The following RBFOX1 variants were observed in gnomAD, a reference collection of about 807,000 sequenced individuals.
RBFOX1 encodes the protein RNA binding protein fox-1 homolog 1.
A neutral mutation model predicts 57.7 loss-of-function variants in RBFOX1; 8 were observed. The observed-to-expected ratio is 0.14, with a 90% CI of 0.08 to 0.25. RBFOX1 has a LOEUF of 0.25. Ranked by LOEUF, RBFOX1 falls within the 10% of genes least tolerant of loss-of-function variation. The pLI is 1.00. For synonymous variants in RBFOX1, 326 were observed against 222.4 expected, an observed-to-expected ratio of 1.47 and a Z score of -4.15; for missense variants, 611 against 548.5, an observed-to-expected ratio of 1.11 and a Z score of -1.14.
At chr16:6,540,537 G>A (rs907522640) in intron 2 of RBFOX1, among the ~76,000 whole-genome samples, 2 of 146,392 alleles carry the variant, frequency 1.4e-5, no homozygotes, top group Non-Finnish European at 3.0e-5. Context: ...GCTTGAACCT[G>A]GGAGGCCGAG....
intron 4 of RBFOX1, among the ~76,000 whole-genome samples, chr16:7,351,830 C>G (rs1359721738): frequency 1.3e-5 from 2 of 152,134 alleles, no homozygotes; most frequent in Admixed American, 6.5e-5. Context: ...CACATTCTGC[C>G]TCTCAATCTT....
intron 3 of RBFOX1, among the ~76,000 whole-genome samples, chr16:6,690,779 T>C (rs1405562287): frequency 6.8e-6 from 1 of 147,366 alleles, no homozygotes; most frequent in Non-Finnish European, 1.5e-5. Flanking sequence ...TTTTTAACTT[T>C]AGAAGTACCA....
chr16:7,054,367 G>C (rs927415857), intron 4 of RBFOX1, among the ~76,000 whole-genome samples: 1 of 149,478 alleles, frequency 6.7e-6, no homozygotes, highest in Non-Finnish European at 1.5e-5. Context: ...AGCCTCCAGA[G>C]TCGCTGGGAT....
chr16:6,493,593 G>A (rs765192205), intron 2 of RBFOX1, among the ~76,000 whole-genome samples: 1 of 152,154 alleles, frequency 6.6e-6, no homozygotes, highest in Non-Finnish European at 1.5e-5. Context: ...CACTGTGAAA[G>A]ATGTTTACTA....
chr16:5,452,423 A>T (rs956747788), intron 1 of RBFOX1, among the ~76,000 whole-genome samples: 1 of 151,524 alleles, frequency 6.6e-6, no homozygotes, highest in Non-Finnish European at 1.5e-5. Flanking sequence ...TCATCCCTCT[A>T]TTCTGCCTCT....
At chr16:7,350,888 G>C (rs1217458959) in intron 4 of RBFOX1, among the ~76,000 whole-genome samples, 1 of 152,170 alleles carries the variant, frequency 6.6e-6, no homozygotes, top group African/African-American at 2.4e-5. Context: ...TAGTATGTGT[G>C]TTTAATTGTT....
chr16:7,186,540 A>C (rs955902520), intron 4 of RBFOX1, among the ~76,000 whole-genome samples: 1 of 60,848 alleles, frequency 1.6e-5, no homozygotes, highest in Non-Finnish European at 4.3e-5. Flanking sequence ...AAGCATAAAC[A>C]TATTTATATA....
At chr16:5,794,265 T>C (rs573138222) in intron 3 of RBFOX1, among the ~76,000 whole-genome samples, 1 of 152,302 alleles carries the variant, frequency 6.6e-6, no homozygotes, top group African/African-American at 2.4e-5. Flanking sequence ...TTTCCTTCTC[T>C]TCCTCCTCTT....
intron 2 of RBFOX1, among the ~76,000 whole-genome samples, chr16:6,640,310 T>C (rs1240980078): frequency 1.3e-5 from 2 of 152,142 alleles, no homozygotes; most frequent in Admixed American, 6.5e-5. Flanking sequence ...TTTTTGTTAA[T>C]TTAAATCCTT....
chr16:5,758,232 C>G (rs752347266), intron 3 of RBFOX1, among the ~76,000 whole-genome samples: 2 of 152,174 alleles, frequency 1.3e-5, no homozygotes, highest in Non-Finnish European at 2.9e-5. Flanking sequence ...GTTCTCGATT[C>G]TTCACTTTCT....
At chr16:6,916,369 C>A (rs8046758) in intron 3 of RBFOX1, among the ~76,000 whole-genome samples, 103,168 of 151,990 alleles carry the variant, frequency 0.68, 35,117 homozygotes, top group Non-Finnish European at 0.71. Context: ...CTTTGGACCT[C>A]TGTGCATGGG....
At chr16:6,877,833 C>G (rs944382506) in intron 3 of RBFOX1, among the ~76,000 whole-genome samples, 1 of 152,160 alleles carries the variant, frequency 6.6e-6, no homozygotes, top group African/African-American at 2.4e-5. Flanking sequence ...ATCTAACAGT[C>G]TTCTTCCTAT....
intron 1 of RBFOX1, among the ~76,000 whole-genome samples, chr16:5,441,700 C>CT (rs1299578296): frequency 6.6e-6 from 1 of 152,074 alleles, no homozygotes; most frequent in Admixed American, 6.6e-5. Context: ...TTCAGCATGG[C>CT]TGGGGAGGCC....
chr16:7,174,748 C>A (rs1400039251), intron 4 of RBFOX1, among the ~76,000 whole-genome samples: 1 of 152,192 alleles, frequency 6.6e-6, no homozygotes, highest in Non-Finnish European at 1.5e-5. Context: ...CCATTGCACT[C>A]CAGACTGGGA....
chr16:6,322,562 A>T (rs1036588619), intron 2 of RBFOX1, among the ~76,000 whole-genome samples: 1 of 152,176 alleles, frequency 6.6e-6, no homozygotes, highest in Non-Finnish European at 1.5e-5. Flanking sequence ...GGATAAAGAA[A>T]ATCCTAAGCC....
intron 1 of RBFOX1, among the ~76,000 whole-genome samples, chr16:5,442,289 C>T (rs189114372): frequency 2.7e-3 from 405 of 152,342 alleles, no homozygotes; most frequent in Non-Finnish European, 4.5e-3. Flanking sequence ...GTTATGAGAG[C>T]AGCAGCCCAT....
At chr16:6,020,213 G>A (rs1352593675) in intron 1 of RBFOX1, among the ~76,000 whole-genome samples, 4 of 151,920 alleles carry the variant, frequency 2.6e-5, no homozygotes, top group Non-Finnish European at 5.9e-5. Flanking sequence ...CTTGTGCGTC[G>A]CTTCCAGAAG....
chr16:6,500,198 T>C (rs2095872281), intron 2 of RBFOX1, among the ~76,000 whole-genome samples: 1 of 152,208 alleles, frequency 6.6e-6, no homozygotes, highest in African/African-American at 2.4e-5. Flanking sequence ...CATGCTACAA[T>C]TAAAAGAATG....
intron 1 of RBFOX1, among the ~76,000 whole-genome samples, chr16:5,383,411 G>T (rs960498248): frequency 6.6e-6 from 1 of 152,216 alleles, no homozygotes; most frequent in African/African-American, 2.4e-5. Context: ...AAGGCAGCAG[G>T]ATGGCAGCAC....
Sources: allele counts gnomAD v4.1 joint callset (sites outside exome capture counted in the v4.1 genomes callset), GRCh38; gene constraint gnomAD v4.1.1; transcripts MANE v1.5; gene names NCBI Gene and HGNC (gene_info 2026-07-23, HGNC 2026-07-21).